Variants in PLEKHF2 observed in about 807,000 individuals in gnomAD.
PLEKHF2 encodes the protein pleckstrin homology domain-containing family F member 2.
In PLEKHF2, 4 loss-of-function variants were observed where a neutral mutation model predicts 14.7. The ratio of observed to expected loss-of-function variants is 0.27; its 90% CI spans 0.13 to 0.62. The LOEUF is 0.62. Ranked by LOEUF, PLEKHF2 falls within the 20% of genes least tolerant of loss-of-function variation. The probability of loss-of-function intolerance (pLI) is 0.85; values close to 1 mark genes in which losing one functional copy is unlikely to be tolerated. For missense variants in PLEKHF2, 201 were observed against 307.7 expected, an observed-to-expected ratio of 0.65 and a Z score of 2.60; for synonymous variants, 90 against 103.5, an observed-to-expected ratio of 0.87 and a Z score of 0.79.
Position 95,141,674 on chromosome 8 carries a change from T to A in PLEKHF2, c.-15+7644T>A, listed in dbSNP as rs942605296. On this transcript the variant is annotated intron_variant, in intron 1 of 1. Transcript: ENST00000315367. ...CCAAGTAGCTGGGACTACAGGTGCA[T>A]GCCACCACACTTGACTAATTTTTGT... is the stretch of plus-strand genomic sequence containing the variant. 2.6e-5 allele frequency among the ~76,000 whole-genome samples: 4 copies of A among 151,664 alleles called. No individual in the cohort carries two copies. In the South Asian group the frequency reaches 6.2e-4, roughly 24 times the overall value.
chr8:95,143,110 T>G (rs28484779), intron 1 of PLEKHF2, among the ~76,000 whole-genome samples: 1 of 147,954 alleles, frequency 6.8e-6, no homozygotes, highest in Non-Finnish European at 1.5e-5. Flanking sequence ...TTTTTTTTTC[T>G]TTTTTTTGAG....
chr8:95,141,365 G>A (rs908627940), intron 1 of PLEKHF2, among the ~76,000 whole-genome samples: 3 of 151,846 alleles, frequency 2.0e-5, no homozygotes, highest in African/African-American at 7.3e-5. Context: ...TTTATCTTTC[G>A]TTGTTTCTAT....
chr8:95,146,461 G>C (rs1418186284), intron 1 of PLEKHF2, among the ~76,000 whole-genome samples: 1 of 151,186 alleles, frequency 6.6e-6, no homozygotes. Context: ...CTAAGACATA[G>C]TAGTCTATGA....
At chr8:95,150,303 T>G (rs1452740865) in intron 1 of PLEKHF2, among the ~76,000 whole-genome samples, 1 of 152,064 alleles carries the variant, frequency 6.6e-6, no homozygotes, top group East Asian at 1.9e-4. Flanking sequence ...CCAAAAAGGA[T>G]AATGGAAGAG....
rs554088202 is a variant in PLEKHF2 at position 95,149,307 on chromosome 8, G to A, written c.-14-4724G>A. Reference sequence around the variant, plus strand: ...TTTTTGTACTACTCAGTCTAAATGAGTTTTCCCCTGTATCTTGACAACCGG... The same window carrying A: ...TTTTTGTACTACTCAGTCTAAATGAATTTTCCCCTGTATCTTGACAACCGG... On this transcript the variant is annotated intron_variant, in intron 1 of 1. Transcript: ENST00000315367. 1.8e-4 allele frequency among the ~76,000 whole-genome samples: 28 copies of A among 152,168 alleles called. 1 individual carries two copies. The South Asian group carries it at 5.4e-3, about 29-fold the overall frequency.
chr8:95,144,852 A>G (rs1449487861), intron 1 of PLEKHF2, among the ~76,000 whole-genome samples: 3 of 150,850 alleles, frequency 2.0e-5, no homozygotes, highest in African/African-American at 7.3e-5. Flanking sequence ...TGACAAGAGC[A>G]AAACTCTGTC....
intron 1 of PLEKHF2, among the ~76,000 whole-genome samples, chr8:95,136,199 C>T (rs1810374177): frequency 2.0e-5 from 3 of 152,152 alleles, no homozygotes; most frequent in Admixed American, 2.0e-4. Flanking sequence ...ATGTTTGTTC[C>T]TTGTAAATAT....
intron 1 of PLEKHF2, among the ~76,000 whole-genome samples, chr8:95,136,712 G>T (rs1013770033): frequency 1.3e-5 from 2 of 152,128 alleles, no homozygotes; most frequent in African/African-American, 4.8e-5. Flanking sequence ...CTGCTTAATA[G>T]AAAGTATATG....
At chr8:95,143,045 G>A (rs1193385362) in intron 1 of PLEKHF2, among the ~76,000 whole-genome samples, 1 of 151,690 alleles carries the variant, frequency 6.6e-6, no homozygotes, top group Admixed American at 6.6e-5. Flanking sequence ...ATTTATGCAA[G>A]CATTTTTTTT....
At chr8:95,140,294 C>G (rs891956633) in intron 1 of PLEKHF2, among the ~76,000 whole-genome samples, 1 of 152,220 alleles carries the variant, frequency 6.6e-6, no homozygotes, top group African/African-American at 2.4e-5. Flanking sequence ...CCTCAGTTAT[C>G]TGCCAATTAT....
chr8:95,139,046 G>C (rs1381295942), intron 1 of PLEKHF2, among the ~76,000 whole-genome samples: 1 of 152,308 alleles, frequency 6.6e-6, no homozygotes, highest in African/African-American at 2.4e-5. Context: ...CACATCTTAG[G>C]TGAGTAATAT....
At chr8:95,134,926 G>A (rs1476775635) in intron 1 of PLEKHF2, among the ~76,000 whole-genome samples, 1 of 152,212 alleles carries the variant, frequency 6.6e-6, no homozygotes, top group Non-Finnish European at 1.5e-5. Context: ...TTAAGAATAA[G>A]AAGTGATCTT....
rs1370793090 is a variant in PLEKHF2, at chr8:95,155,074, GTTTGT to G, written c.*284_*288del. 15 of 396,322 alleles carry G rather than the reference GTTTGT, an allele frequency of 3.8e-5. No individual in the cohort carries two copies. The highest frequency in any genetic ancestry group is 6.2e-5 in the Non-Finnish European group (13 of 211,260). The allele number at this position is 396,322 out of a possible 1,614,324, so 24.6% of individuals were successfully genotyped here. On this transcript the variant is annotated 3_prime_UTR_variant, in exon 2 of 2. Coordinates refer to ENST00000315367, the MANE Select transcript of PLEKHF2 (RefSeq NM_024613.4). ...TTTTCTTGGAAGGTTGGGAAAAGATGTTTGTTTTAACAGGTCATGTACTACGTTGT... is the reference window on the plus strand; with the variant it reads ...TTTTCTTGGAAGGTTGGGAAAAGATGTTTAACAGGTCATGTACTACGTTGT...
intron 1 of PLEKHF2, among the ~76,000 whole-genome samples, chr8:95,143,619 G>A (rs919620213): frequency 1.3e-5 from 2 of 152,240 alleles, no homozygotes; most frequent in South Asian, 2.1e-4. Context: ...AAATAGAGAA[G>A]AACAAAGGAG....
intron 1 of PLEKHF2, among the ~76,000 whole-genome samples, chr8:95,142,180 A>G (rs976723265): frequency 2.0e-5 from 3 of 152,202 alleles, no homozygotes; most frequent in African/African-American, 7.2e-5. Flanking sequence ...TTGGTCAGGG[A>G]TGTCACAGGA....
At chr8:95,136,096 A>C (rs1332722608) in intron 1 of PLEKHF2, among the ~76,000 whole-genome samples, 1 of 152,204 alleles carries the variant, frequency 6.6e-6, no homozygotes, top group Non-Finnish European at 1.5e-5. Flanking sequence ...CCTTGACAGC[A>C]GGCAACACAT....
chr8:95,135,231 TAAAG>T (rs1287908790), intron 1 of PLEKHF2, among the ~76,000 whole-genome samples: 2 of 152,206 alleles, frequency 1.3e-5, no homozygotes, highest in Non-Finnish European at 2.9e-5. Flanking sequence ...GATTTTTAAA[TAAAG>T]ACATCTTGCT....
At position 95,154,926 on chromosome 8, in the gene PLEKHF2, C is replaced by A; in HGVS notation, c.*132C>A. 1 of 1,086,608 alleles carries A rather than the reference C, an allele frequency of 9.2e-7. No individual in the cohort carries two copies. Among genetic ancestry groups the A allele is most frequent in the Non-Finnish European group, 1.3e-6 (1 of 756,030 alleles). The allele number at this position is 1,086,608 out of a possible 1,614,324, so 67.3% of individuals were successfully genotyped here. ...GCCTGAGAAACTTGTAACCTATGTGCCTCAATATATTCCATAGAAAGTAGG... is the reference window on the plus strand; with the variant it reads ...GCCTGAGAAACTTGTAACCTATGTGACTCAATATATTCCATAGAAAGTAGG... On this transcript the variant is annotated 3_prime_UTR_variant, in exon 2 of 2. Transcript: ENST00000315367. This position sits in a 1 kb window ranked among gnomAD's most constrained non-coding sequence, Gnocchi z 5.6.
At chr8:95,150,772 G>A (rs1248151448) in intron 1 of PLEKHF2, among the ~76,000 whole-genome samples, 1 of 152,144 alleles carries the variant, frequency 6.6e-6, no homozygotes, top group Non-Finnish European at 1.5e-5. Context: ...TGAAGGTCCA[G>A]AGGTTAGTTA....
Sources: allele counts gnomAD v4.1 joint callset (sites outside exome capture counted in the v4.1 genomes callset), GRCh38; gene constraint gnomAD v4.1.1; non-coding constraint Gnocchi (gnomAD v3.1); transcripts MANE v1.5; gene names NCBI Gene and HGNC (gene_info 2026-07-23, HGNC 2026-07-21).